FTCD: variants seen among roughly 807,000 people sequenced by gnomAD.
The protein encoded by FTCD is formimidoyltransferase-cyclodeaminase.
In FTCD, 76 loss-of-function variants were observed where a neutral mutation model predicts 62.9. That is an observed-to-expected ratio of 1.21 (90% CI 1.00 to 1.46). The LOEUF (loss-of-function observed/expected upper bound fraction) is 1.46. Ranked by LOEUF, FTCD falls within the 40% of genes most tolerant of loss-of-function variation. The probability of loss-of-function intolerance (pLI) is 0.00; values close to 1 mark genes in which losing one functional copy is unlikely to be tolerated. For synonymous variants in FTCD, 397 were observed against 336.9 expected (o/e 1.18, Z -1.95); for missense variants, 845 against 751.3 (o/e 1.12, Z -1.46).
rs765309972 is a variant in FTCD, at chr21:46,151,887, G to A, written c.456+5C>T. The A allele has an allele frequency of 2.6e-6, 4 of 1,558,720 alleles. No individual in the cohort carries two copies. The highest frequency in any genetic ancestry group is 1.2e-5 in the South Asian group (1 of 85,486). ...CCCAGGCCCGACCGCCCGGGGTGGG[G>A]GCACCTTCTTAGGGAGGGCCTCGTA... On this transcript the variant is annotated splice_donor_5th_base_variant and intron_variant, in intron 4 of 13. Coordinates refer to ENST00000397746, the MANE Select transcript of FTCD (RefSeq NM_206965.2).
chr21:46,146,129 C>T, intron 8 of FTCD, 137 bp downstream of exon 8: 1 of 772,238 alleles, frequency 1.3e-6, no homozygotes, highest in South Asian at 1.6e-5. Flanking sequence ...CCCGGCTTGG[C>T]GCAGGCCGAG....
intron 9 of FTCD, 69 bp downstream of exon 9, chr21:46,145,749 C>T (rs1167895623): frequency 7.3e-6 from 4 of 545,158 alleles, no homozygotes; most frequent in Non-Finnish European, 1.3e-5. Context: ...CTCCCCCCAA[C>T]AGCGCCCTTC....
Position 46,148,822 on chromosome 21 carries a change from C to T in FTCD, c.906+1297G>A, listed in dbSNP as rs1034005934. ...GCTCTGTGTTACGTGAACTGGATCA[C>T]GGATTGGAGGAGAAATCGCTATGAT... On this transcript the variant is annotated intron_variant, in intron 7 of 13. Coordinates refer to ENST00000397746, the MANE Select transcript of FTCD (RefSeq NM_206965.2). Among the ~76,000 whole-genome samples, 5 of 152,174 alleles carry T rather than the reference C, an allele frequency of 3.3e-5. No homozygotes were observed. The East Asian group carries it at 5.8e-4, about 18-fold the overall frequency.
intron 5 of FTCD, among the ~76,000 whole-genome samples, 186 bp downstream of exon 5, chr21:46,151,371 CT>C (rs1037622384): frequency 1.4e-4 from 22 of 152,368 alleles, no homozygotes; most frequent in African/African-American, 5.0e-4. Flanking sequence ...CACTCCGCCC[CT>C]GACCTGCCGA....
At chr21:46,149,847 G>C (rs917301926) in intron 7 of FTCD, among the ~76,000 whole-genome samples, 1 of 152,190 alleles carries the variant, frequency 6.6e-6, no homozygotes, top group Non-Finnish European at 1.5e-5. Context: ...GCCCCTCCAC[G>C]GGAGCATGGC....
Position 46,154,245 on chromosome 21 carries a change from C to A in FTCD, c.142G>T (p.Val48Leu). The A allele has an allele frequency of 6.2e-7, 1 of 1,612,788 alleles. No individual in the cohort carries two copies. The highest frequency in any genetic ancestry group is 8.5e-7 in the Non-Finnish European group (1 of 1,179,974). Residue 48 changes from valine to leucine, a missense_variant, in exon 2 of 14, where the codon GTG (valine) becomes TTG (leucine). By Grantham distance (32) the Val-to-Leu change is conservative. Coordinates refer to ENST00000397746, the MANE Select transcript of FTCD (RefSeq NM_206965.2). ...TCCGGCGGCCCCACGAAGGTGTACA[C>A]GGTGCGGTTGGTGGAAGGGCCTGCG... The part of the protein sequence containing the change: ...VDAGPSTNRT[V>L]YTFVGPPECV...
In FTCD at chr21:46,150,436, C is replaced by T; in HGVS notation, c.726G>A (p.Glu242=). Residue 242 remains glutamate, a synonymous_variant, in exon 6 of 14, where the codon GAG becomes GAA. Coordinates refer to ENST00000397746, the MANE Select transcript of FTCD (RefSeq NM_206965.2). ...CGTAGACCGTGTGCAGTGCCGTGACCTCAAAGTCCAGAAGATTGGTGGACA... is the reference window on the plus strand; with the variant it reads ...CGTAGACCGTGTGCAGTGCCGTGACTTCAAAGTCCAGAAGATTGGTGGACA... ...AQVSTNLLDF[E]VTALHTVYEE... is the part of the protein sequence containing the mutation. 1 of 1,613,208 alleles carries T rather than the reference C, an allele frequency of 6.2e-7. No individual in the cohort carries two copies. Among genetic ancestry groups the T allele is most frequent in the Non-Finnish European group, 8.5e-7 (1 of 1,179,910 alleles).
In FTCD at chr21:46,138,621, G is replaced by A. The variant is rs2078924316; in HGVS notation, c.1330C>T (p.Leu444=). ...DRRTAALQEG[L]RRAVSVPLTL... is the part of the protein sequence containing the mutation. ...AGCGGCACAGAGACTGCCCGCCTCA[G>A]ACCCTCCTGTAGGGCCGCCGTGCGC... Residue 444 remains leucine, a synonymous_variant, in exon 12 of 14, where the codon CTG becomes TTG. Transcript: ENST00000397746. 6.3e-6 allele frequency: 10 copies of A among 1,594,292 alleles called. No individual in the cohort carries two copies. The East Asian group carries it at 2.2e-4, about 36-fold the overall frequency.
intron 10 of FTCD, among the ~76,000 whole-genome samples, chr21:46,144,009 C>T (rs993051063): frequency 2.0e-5 from 3 of 152,084 alleles, no homozygotes; most frequent in Non-Finnish European, 2.9e-5. Flanking sequence ...AAGTATTAGT[C>T]TTTAATCTTT....
chr21:46,150,663 C>T (rs866571851), intron 5 of FTCD, 138 bp from the exon 6 acceptor site: 8 of 908,170 alleles, frequency 8.8e-6, no homozygotes, highest in Middle Eastern at 2.3e-4. Flanking sequence ...TCTCCTCCGT[C>T]CCTCACTGAG....
In FTCD at chr21:46,136,884, C is replaced by T. The variant is rs779805353; in HGVS notation, c.*103G>A. 17 of 1,577,332 alleles carry T rather than the reference C, an allele frequency of 1.1e-5. No individual in the cohort carries two copies. The highest frequency in any genetic ancestry group is 2.4e-5 in the East Asian group (1 of 42,404). On this transcript the variant is annotated 3_prime_UTR_variant, in exon 14 of 14. Coordinates refer to ENST00000397746, the MANE Select transcript of FTCD (RefSeq NM_206965.2). ...CCCCGCTGCCTGCCCACCTACCCTC[C>T]GGGCCCCACACGAACAAGCTGTGTC...
At chr21:46,140,515 G>A (rs1471980417) in intron 10 of FTCD, among the ~76,000 whole-genome samples, 3 of 141,458 alleles carry the variant, frequency 2.1e-5, no homozygotes, top group Admixed American at 7.1e-5. Context: ...AGCCCTCCCC[G>A]TCCACCTTCG....
rs1389781793 is a variant in FTCD at position 46,145,830 on chromosome 21, GGCCGCCGCCACCGA to G, written c.1072_1085del (p.Ser358ArgfsTer69). On this transcript the variant is annotated frameshift_variant, in exon 9 of 14. Transcript: ENST00000397746. LOFTEE classifies it high-confidence loss of function. ...CCCCCGCGCTCACCATGGCCGCAGC[GGCCGCCGCCACCGA>G]GCCGCCCCCGGGGGCCGCAGAGCGG... The G allele has an allele frequency of 1.6e-5, 13 of 808,686 alleles. No homozygotes were observed. Among genetic ancestry groups the G allele is most frequent in the Non-Finnish European group, 1.8e-5 (13 of 708,466 alleles). The allele number at this position is 808,686 out of a possible 1,614,324, so 50.1% of individuals were successfully genotyped here. A position where few individuals can be genotyped will look rare whatever the true frequency, so the allele number is the denominator to read the frequency against.
intron 12 of FTCD, among the ~76,000 whole-genome samples, chr21:46,137,741 C>G (rs188132258): frequency 6.6e-6 from 1 of 152,118 alleles, no homozygotes; most frequent in African/African-American, 2.4e-5. Flanking sequence ...AAAGAGGCGT[C>G]TTTCCTATAA....
chr21:46,139,128 G>A (rs905043569), intron 10 of FTCD: 1 of 614,684 alleles, frequency 1.6e-6, no homozygotes, highest in Admixed American at 2.6e-5. Flanking sequence ...GGGGCACACA[G>A]CAGATGGTCA....
intron 10 of FTCD, among the ~76,000 whole-genome samples, chr21:46,144,371 C>T (rs2079078757): frequency 1.4e-5 from 2 of 141,704 alleles, no homozygotes; most frequent in South Asian, 2.4e-4. Flanking sequence ...ACCTCTCTCC[C>T]CTCTCTCCCT....
rs756372120 is a variant in FTCD, at chr21:46,138,500, C to T, written c.1443+8G>A. Reference sequence around the variant, plus strand: ...GCAGGAGGCCTGGGGTCCCCCGGGCCCCCCTACCTGGAGGTCTGACCGGCA... The same window carrying T: ...GCAGGAGGCCTGGGGTCCCCCGGGCTCCCCTACCTGGAGGTCTGACCGGCA... On this transcript the variant is annotated splice_region_variant and intron_variant, in intron 12 of 13. Transcript: ENST00000397746. The T allele has an allele frequency of 8.2e-6, 13 of 1,579,186 alleles. No homozygotes were observed. The highest frequency in any genetic ancestry group is 8.1e-5 in the African/African-American group (6 of 74,446).
chr21:46,146,899 G>C (rs1244159581), intron 7 of FTCD: 1 of 153,276 alleles, frequency 6.5e-6, no homozygotes, highest in African/African-American at 2.4e-5. Flanking sequence ...CCACAGAGAC[G>C]GACAGCAGCC....
intron 2 of FTCD, among the ~76,000 whole-genome samples, chr21:46,153,783 C>T (rs1286956956): frequency 6.6e-6 from 1 of 152,256 alleles, no homozygotes; most frequent in Non-Finnish European, 1.5e-5. Context: ...GGTCAGCTTC[C>T]AGGCAGCCCT....
Sources: allele counts gnomAD v4.1 joint callset (sites outside exome capture counted in the v4.1 genomes callset), GRCh38; gene constraint gnomAD v4.1.1; transcripts MANE v1.5; gene names NCBI Gene and HGNC (gene_info 2026-07-23, HGNC 2026-07-21).